Variants in PFKFB4 observed in about 807,000 individuals in gnomAD.
PFKFB4 encodes the protein 6-phosphofructo-2-kinase/fructose-2,6-bisphosphatase 4.
In PFKFB4, 42 loss-of-function variants were observed where a neutral mutation model predicts 62.8. The observed-to-expected ratio is 0.67, with a 90% CI of 0.52 to 0.86. The LOEUF (loss-of-function observed/expected upper bound fraction) is 0.86, where lower values mean the gene tolerates loss of function less well. Ranked by LOEUF, PFKFB4 falls within the 40% of genes least tolerant of loss-of-function variation. PFKFB4 has a pLI of 0.00. For missense variants in PFKFB4, 475 were observed against 627.2 expected, an observed-to-expected ratio of 0.76 and a Z score of 2.59; for synonymous variants, 204 against 240.7, an observed-to-expected ratio of 0.85 and a Z score of 1.41.
intron 4 of PFKFB4, among the ~76,000 whole-genome samples, chr3:48,541,162 G>C (rs2042787808): frequency 6.7e-6 from 1 of 150,366 alleles, no homozygotes; most frequent in South Asian, 2.1e-4. Context: ...TCAGCTCGCT[G>C]CAAGCTCTGT....
chr3:48,561,517 C>T (rs1416722881), upstream of PFKFB4: 1 of 153,654 alleles, frequency 6.5e-6, no homozygotes, highest in Non-Finnish European at 1.5e-5. The surrounding 1 kb of genome is among the most constrained non-coding windows in gnomAD (Gnocchi z 5.2). Flanking sequence ...CCTAGTCCTT[C>T]CAAACCAAGG....
intron 1 of PFKFB4, chr3:48,555,995 GC>G (rs1237313133): frequency 2.4e-6 from 1 of 420,978 alleles, no homozygotes; most frequent in Non-Finnish European, 4.9e-6. Flanking sequence ...GGAGAGGTGA[GC>G]CCCTTAACAA....
intron 1 of PFKFB4, among the ~76,000 whole-genome samples, chr3:48,554,733 C>A (rs932699305): frequency 2.0e-5 from 3 of 152,120 alleles, no homozygotes; most frequent in African/African-American, 7.2e-5. Context: ...CCTGCCTCCG[C>A]TTATTGAGGA....
intron 1 of PFKFB4, among the ~76,000 whole-genome samples, chr3:48,554,732 G>GC (rs2043259417): frequency 6.6e-6 from 1 of 152,126 alleles, no homozygotes; most frequent in Admixed American, 6.6e-5. Context: ...CCCTGCCTCC[G>GC]CTTATTGAGG....
intron 10 of PFKFB4, 89 bp from the exon 11 acceptor site, chr3:48,523,919 G>A: frequency 1.5e-6 from 2 of 1,375,184 alleles, no homozygotes; most frequent in Non-Finnish European, 2.0e-6. Flanking sequence ...TTCCACTCCT[G>A]CAGCTACTCA....
intron 3 of PFKFB4, among the ~76,000 whole-genome samples, chr3:48,547,222 G>C (rs186899541): frequency 6.6e-6 from 1 of 152,274 alleles, no homozygotes; most frequent in East Asian, 1.9e-4. Flanking sequence ...GCTTAAGTGA[G>C]CCCAAGTATT....
At chr3:48,547,304 A>G (rs55952796) in intron 3 of PFKFB4, among the ~76,000 whole-genome samples, 7,838 of 152,114 alleles carry the variant, frequency 0.052, 612 homozygotes, top group African/African-American at 0.17. Context: ...GGGGGTGTGC[A>G]TGTGTATGTA....
chr3:48,529,012 A>G (rs2042349304), intron 9 of PFKFB4, among the ~76,000 whole-genome samples: 1 of 151,514 alleles, frequency 6.6e-6, no homozygotes, highest in African/African-American at 2.4e-5. Context: ...AAACCACTGA[A>G]CTGTATACTT....
chr3:48,556,747 G>T lies in PFKFB4; in HGVS notation c.31C>A (p.Pro11Thr). Residue 11 changes from proline (P) to threonine (T), a missense_variant, in exon 1 of 14, where the codon CCC (proline) becomes ACC (threonine). Physicochemically the swap from Pro to Thr is conservative, Grantham distance 38 (BLOSUM62 -1). Coordinates refer to ENST00000232375, the MANE Select transcript of PFKFB4 (RefSeq NM_004567.4). This position sits in a 1 kb window ranked among gnomAD's most constrained non-coding sequence, Gnocchi z 5.7. The stretch of plus-strand genomic sequence containing the variant: ...TATGGCATCCAGATCTTCTTCAGGG[G>T]GTTCTGTGTCAATTCCCGTGGGGAC... Reference protein sequence around the residue: MASPRELTQNPLKKIWMPYSN... With the variant: MASPRELTQNTLKKIWMPYSN... 2.5e-6 allele frequency: 4 copies of T among 1,605,472 alleles called. No homozygotes were observed. The highest frequency in any genetic ancestry group is 3.4e-6 in the Non-Finnish European group (4 of 1,176,110).
chr3:48,551,939 A>G (rs1413572131), intron 1 of PFKFB4, among the ~76,000 whole-genome samples: 1 of 152,176 alleles, frequency 6.6e-6, no homozygotes, highest in Non-Finnish European at 1.5e-5. Flanking sequence ...AAACCATAGC[A>G]GACAGGCAGA....
intron 13 of PFKFB4, among the ~76,000 whole-genome samples, chr3:48,520,793 TATGGTG>T (rs2042073987): frequency 6.6e-6 from 1 of 152,186 alleles, no homozygotes; most frequent in East Asian, 1.9e-4. Flanking sequence ...CCAGCCACAC[TATGGTG>T]ATGGACTGGT....
chr3:48,520,647 G>A (rs1056071077), intron 13 of PFKFB4, among the ~76,000 whole-genome samples: 1 of 152,244 alleles, frequency 6.6e-6, no homozygotes, highest in African/African-American at 2.4e-5. Context: ...TCTTACTGCT[G>A]GGCAGGCTTC....
At chr3:48,544,162 C>T (rs2042888404) in intron 3 of PFKFB4, among the ~76,000 whole-genome samples, 1 of 151,954 alleles carries the variant, frequency 6.6e-6, no homozygotes, top group South Asian at 2.1e-4. Flanking sequence ...CAGGCGTGCA[C>T]CACCACGCCC....
At chr3:48,548,027 A>C (rs1449809636) in intron 3 of PFKFB4, 1 of 152,252 alleles carries the variant, frequency 6.6e-6, no homozygotes, top group Non-Finnish European at 1.5e-5. Context: ...ATGCCTGCAG[A>C]AAGGCAGCAA....
upstream of PFKFB4, among the ~76,000 whole-genome samples, chr3:48,557,877 AAGCCCTGGG>A (rs1354849221): frequency 6.6e-6 from 1 of 152,076 alleles, no homozygotes; most frequent in Non-Finnish European, 1.5e-5. Context: ...GGTACTCACT[AAGCCCTGGG>A]AGTATCTTAA....
At chr3:48,545,926 T>C (rs1034975107) in intron 3 of PFKFB4, among the ~76,000 whole-genome samples, 3 of 152,184 alleles carry the variant, frequency 2.0e-5, no homozygotes, top group African/African-American at 7.2e-5. Context: ...ATCTCTTTTG[T>C]GGGCTGCTCT....
chr3:48,538,358 A>G, intron 7 of PFKFB4, 140 bp downstream of exon 7: 1 of 1,074,274 alleles, frequency 9.3e-7, no homozygotes, highest in Non-Finnish European at 1.3e-6. Flanking sequence ...TTTCTGCCCC[A>G]AGGAAATAAA....
At chr3:48,533,066 TCTCA>T (rs1462652785) in intron 9 of PFKFB4, among the ~76,000 whole-genome samples, 1 of 152,076 alleles carries the variant, frequency 6.6e-6, no homozygotes, top group African/African-American at 2.4e-5. Flanking sequence ...AGAGATGGGG[TCTCA>T]CTATGTTGTC....
chr3:48,556,276 C>CT lies in PFKFB4; in HGVS notation c.97+404dup. ...AAGTAATTCACCTAGGGCCACACAGCTCAGTTCCAGTCCAACAACCCGGCC... is the reference window on the plus strand; with the variant it reads ...AAGTAATTCACCTAGGGCCACACAGCTTCAGTTCCAGTCCAACAACCCGGCC... On this transcript the variant is annotated intron_variant, in intron 1 of 13. Coordinates refer to ENST00000232375, the MANE Select transcript of PFKFB4 (RefSeq NM_004567.4). The surrounding 1 kb of genome is among the most constrained non-coding windows in gnomAD (Gnocchi z 5.7). The CT allele has an allele frequency of 4.1e-6, 2 of 485,128 alleles. No homozygotes were observed. Among genetic ancestry groups the CT allele is most frequent in the South Asian group, 3.1e-5 (2 of 64,788 alleles). 30.1% of individuals were successfully genotyped at this position (485,128 alleles called of 1,614,324 possible).
Sources: allele counts gnomAD v4.1 joint callset (sites outside exome capture counted in the v4.1 genomes callset), GRCh38; gene constraint gnomAD v4.1.1; non-coding constraint Gnocchi (gnomAD v3.1); transcripts MANE v1.5; gene names NCBI Gene and HGNC (gene_info 2026-07-23, HGNC 2026-07-21).